The following IMMP2L variants were observed in gnomAD, a reference collection of about 807,000 sequenced individuals.
IMMP2L encodes inner mitochondrial membrane peptidase subunit 2.
IMMP2L carries 18 observed loss-of-function variants against 19.3 expected under a neutral mutation model. The observed-to-expected ratio is 0.93, with a 90% CI of 0.64 to 1.38. The LOEUF (loss-of-function observed/expected upper bound fraction) is 1.38. IMMP2L is among the 40% of genes most tolerant of loss of function. The probability of loss-of-function intolerance (pLI) is 0.00; values close to 1 mark genes in which losing one functional copy is unlikely to be tolerated. For synonymous variants in IMMP2L, 76 were observed against 73.0 expected (o/e 1.04, Z -0.21); for missense variants, 233 against 218.2 (o/e 1.07, Z -0.43).
rs375785008 is a variant in IMMP2L, at chr7:111,174,170, C to T, written c.240-210605G>A. Reference sequence around the variant, plus strand: ...TTCACTAGAATAATACTACAATCATCAGTGAACTGGCTATAACCACAGAGA... The same window carrying T: ...TTCACTAGAATAATACTACAATCATTAGTGAACTGGCTATAACCACAGAGA... On this transcript the variant is annotated intron_variant, in intron 3 of 5. Coordinates refer to ENST00000405709, the MANE Select transcript of IMMP2L (RefSeq NM_032549.4). Among the ~76,000 whole-genome samples the T allele has an allele frequency of 6.9e-4, 105 of 151,746 alleles. 1 individual carries two copies. Among genetic ancestry groups the T allele is most frequent in the African/African-American group, 2.4e-3 (100 of 41,450 alleles).
intron 4 of IMMP2L, among the ~76,000 whole-genome samples, chr7:110,898,213 G>GA (rs1202542148): frequency 6.6e-6 from 1 of 151,624 alleles, no homozygotes; most frequent in Non-Finnish European, 1.5e-5. Flanking sequence ...TCATAGCAGT[G>GA]AAATTAGCAG....
intron 3 of IMMP2L, among the ~76,000 whole-genome samples, chr7:111,472,845 C>A (rs1369726927): frequency 6.6e-5 from 10 of 151,868 alleles, no homozygotes; most frequent in African/African-American, 2.4e-4. Context: ...CCTGTAATCC[C>A]AGCACTTTGG....
rs1006596828 is a variant in IMMP2L, at chr7:111,398,767, T to C, written c.239+88471A>G. The stretch of plus-strand genomic sequence containing the variant: ...AAAGCTCCTAGAACTGATAAAAGAA[T>C]TCAGCAAAATTTCCAGATATAAGAT... On this transcript the variant is annotated intron_variant, in intron 3 of 5. Coordinates refer to ENST00000405709, the MANE Select transcript of IMMP2L (RefSeq NM_032549.4). Among the ~76,000 whole-genome samples the C allele has an allele frequency of 2.0e-5, 3 of 151,896 alleles. No individual in the cohort carries two copies. The East Asian group carries it at 5.8e-4, about 30-fold the overall frequency.
At chr7:110,894,315 G>C (rs1337248331) in intron 4 of IMMP2L, among the ~76,000 whole-genome samples, 1 of 152,168 alleles carries the variant, frequency 6.6e-6, no homozygotes, top group Non-Finnish European at 1.5e-5. Flanking sequence ...GATGGGACCT[G>C]TGTTTGGTTA....
intron 3 of IMMP2L, among the ~76,000 whole-genome samples, chr7:111,458,849 C>G (rs1203961265): frequency 1.3e-5 from 2 of 152,142 alleles, no homozygotes; most frequent in Non-Finnish European, 2.9e-5. Flanking sequence ...CAGGATATGT[C>G]TCCTTGAATG....
At chr7:110,800,913 TAGTC>T (rs890202326) in intron 5 of IMMP2L, among the ~76,000 whole-genome samples, 3 of 152,056 alleles carry the variant, frequency 2.0e-5, no homozygotes, top group African/African-American at 7.2e-5. Flanking sequence ...CCACAAGTCT[TAGTC>T]AGATATCTCA....
At chr7:110,743,386 T>C in intron 5 of IMMP2L, among the ~76,000 whole-genome samples, 1 of 152,224 alleles carries the variant, frequency 6.6e-6, no homozygotes, top group East Asian at 1.9e-4. Context: ...ATTACTTAGA[T>C]AAAACTCTCA....
intron 1 of IMMP2L, among the ~76,000 whole-genome samples, chr7:111,560,950 T>A (rs1296417661): frequency 6.6e-6 from 1 of 152,214 alleles, no homozygotes; most frequent in Non-Finnish European, 1.5e-5. Flanking sequence ...AATTCTACTT[T>A]TCCTGTGTAA....
intron 3 of IMMP2L, among the ~76,000 whole-genome samples, chr7:111,323,993 G>C (rs1286287921): frequency 6.6e-6 from 1 of 152,002 alleles, no homozygotes; most frequent in Non-Finnish European, 1.5e-5. Flanking sequence ...ACCTGTTGTG[G>C]GGTGGTGGGA....
intron 3 of IMMP2L, among the ~76,000 whole-genome samples, chr7:110,991,097 A>C (rs2129559571): frequency 6.6e-6 from 1 of 152,282 alleles, no homozygotes; most frequent in South Asian, 2.1e-4. Context: ...TAGTACTGGT[A>C]TTTCAAACCA....
chr7:110,760,405 G>A lies in IMMP2L; in HGVS notation c.409-96684C>T, dbSNP rs1009712682. ...ATGTTTTAAAACTGTGAAGGGCTCT[G>A]AAGCTGATGTTTTCCATTATCAGTT... is the stretch of plus-strand genomic sequence containing the variant. On this transcript the variant is annotated intron_variant, in intron 5 of 5. Coordinates refer to ENST00000405709, the MANE Select transcript of IMMP2L (RefSeq NM_032549.4). This position sits in a 1 kb window ranked among gnomAD's most constrained non-coding sequence, Gnocchi z 4.2. 3.3e-5 allele frequency among the ~76,000 whole-genome samples: 5 copies of A among 152,160 alleles called. No individual in the cohort carries two copies. The highest frequency in any genetic ancestry group is 1.2e-4 in the African/African-American group (5 of 41,458).
chr7:111,099,322 A>G (rs940208910), intron 3 of IMMP2L, among the ~76,000 whole-genome samples: 1 of 151,660 alleles, frequency 6.6e-6, no homozygotes, highest in Non-Finnish European at 1.5e-5. Flanking sequence ...GAAGATGAAA[A>G]TAGTCTGAAT....
intron 3 of IMMP2L, among the ~76,000 whole-genome samples, chr7:111,007,005 T>C (rs963764449): frequency 1.4e-4 from 22 of 152,124 alleles, no homozygotes; most frequent in African/African-American, 5.1e-4. Context: ...CCTACTTGTA[T>C]TAGTCAGTTT....
At chr7:110,960,235 G>A (rs554761274) in intron 4 of IMMP2L, among the ~76,000 whole-genome samples, 1 of 152,014 alleles carries the variant, frequency 6.6e-6, no homozygotes, top group Admixed American at 6.6e-5. Flanking sequence ...CATTTAAAAT[G>A]TACAACTCAA....
chr7:111,414,529 T>C (rs1049823012), intron 3 of IMMP2L, among the ~76,000 whole-genome samples: 9 of 151,806 alleles, frequency 5.9e-5, no homozygotes, highest in Non-Finnish European at 8.8e-5. Flanking sequence ...AAGATAGAGA[T>C]GAATAGGTAG....
At chr7:110,953,901 C>A (rs1818098176) in intron 4 of IMMP2L, among the ~76,000 whole-genome samples, 1 of 152,096 alleles carries the variant, frequency 6.6e-6, no homozygotes, top group Admixed American at 6.6e-5. Flanking sequence ...TTTTTACTTG[C>A]ATTTCTCTGA....
intron 2 of IMMP2L, among the ~76,000 whole-genome samples, chr7:111,507,900 TTACATGTACC>T (rs1250754636): frequency 1.3e-5 from 2 of 152,110 alleles, no homozygotes; most frequent in Non-Finnish European, 2.9e-5. Flanking sequence ...GCCTGAGTTT[TTACATGTACC>T]CAGCTCACAA....
intron 2 of IMMP2L, among the ~76,000 whole-genome samples, chr7:111,493,865 T>C (rs1344305074): frequency 7.9e-6 from 1 of 127,252 alleles, no homozygotes; most frequent in Non-Finnish European, 1.7e-5. Context: ...CCGGGTGTAG[T>C]GGTGGGCCGC....
intron 5 of IMMP2L, among the ~76,000 whole-genome samples, chr7:110,697,371 C>G (rs1271635293): frequency 6.6e-6 from 1 of 152,148 alleles, no homozygotes; most frequent in Non-Finnish European, 1.5e-5. Context: ...ACTTTATACT[C>G]AAATGTTTAT....
Sources: allele counts gnomAD v4.1 joint callset (sites outside exome capture counted in the v4.1 genomes callset), GRCh38; gene constraint gnomAD v4.1.1; non-coding constraint Gnocchi (gnomAD v3.1); transcripts MANE v1.5; gene names NCBI Gene and HGNC (gene_info 2026-07-23, HGNC 2026-07-21).